FN1: variants seen among roughly 807,000 people sequenced by gnomAD.
FN1 encodes fibronectin 1, also known as fibronectin.
In FN1, 106 loss-of-function variants were observed where a neutral mutation model predicts 297.3. The ratio of observed to expected loss-of-function variants is 0.36; its 90% CI spans 0.30 to 0.42. The LOEUF is 0.42. Among genes scored for constraint, FN1 ranks in the 10% least tolerant of loss-of-function variants. FN1 has a pLI of 1.00. For missense variants in FN1, 2,690 were observed against 3,124.9 expected, an observed-to-expected ratio of 0.86 and a Z score of 3.32; for synonymous variants, 1,149 against 1,152.6, an observed-to-expected ratio of 1.00 and a Z score of 0.06.
intron 21 of FN1, among the ~76,000 whole-genome samples, chr2:215,398,615 T>G (rs1443869456): frequency 6.6e-6 from 1 of 152,186 alleles, no homozygotes; most frequent in Non-Finnish European, 1.5e-5. Flanking sequence ...TTTTAAACGA[T>G]CAAGGGGATT....
chr2:215,415,225 CTT>C lies in FN1; in HGVS notation c.1820-269_1820-268del, dbSNP rs142604627. 0.28 allele frequency among the ~76,000 whole-genome samples: 42,611 copies of C among 151,922 alleles called. 7,458 individuals are homozygous for C. The highest frequency in any genetic ancestry group is 0.93 in the East Asian group (4,795 of 5,152). ...AAAATATATTTTTAAAAAAAAGTCT[CTT>C]GGCTTGCTTTTATTTTCTCTACTAT... is the stretch of plus-strand genomic sequence containing the variant. On this transcript the variant is annotated intron_variant, in intron 12 of 45. Coordinates refer to ENST00000354785, the MANE Select transcript of FN1 (RefSeq NM_212482.4).
At chr2:215,428,435 A>G (rs1238258800) in intron 5 of FN1, 97 bp from the exon 6 acceptor site, 2 of 1,040,518 alleles carry the variant, frequency 1.9e-6, no homozygotes, top group Admixed American at 3.7e-5. Context: ...CTGGTAATCT[A>G]TTTTTGGTAA....
intron 26 of FN1, among the ~76,000 whole-genome samples, chr2:215,389,424 A>G (rs2059438009): frequency 7.0e-6 from 1 of 141,936 alleles, no homozygotes; most frequent in African/African-American, 3.1e-5. Context: ...TTTGATACAC[A>G]GTCAGGCATA....
Position 215,383,371 on chromosome 2 carries a change from G to C in FN1, c.5007C>G (p.Pro1669=), listed in dbSNP as rs780324154. The change falls in exon 31 of 46, where the codon CCC becomes CCG. Residue 1669 remains proline (P), a synonymous_variant. Transcript: ENST00000354785. ...TTTTTGTTGGTCCTGGTCCATTTTT[G>C]GGAGTGGTGGTTACTCTGTAACCAG... ...PVTGYRVTTT[P]KNGPGPTKTK... is the part of the protein sequence containing the mutation. The C allele has an allele frequency of 3.1e-6, 5 of 1,613,888 alleles. No individual in the cohort carries two copies. In the African/African-American group the frequency reaches 6.7e-5, roughly 22 times the overall value.
At chr2:215,365,716 G>A in intron 42 of FN1, 86 bp from the exon 43 acceptor site, 1 of 1,299,836 alleles carries the variant, frequency 7.7e-7, no homozygotes, top group South Asian at 1.2e-5. Flanking sequence ...CGTGTCACAG[G>A]GTCTTCAGAA....
At chr2:215,393,247 TAG>T in intron 24 of FN1, 44 bp from the exon 25 acceptor site, 8 of 1,594,316 alleles carry the variant, frequency 5.0e-6, no homozygotes, top group Non-Finnish European at 6.8e-6. Flanking sequence ...AAAAGGAAAA[TAG>T]AGGGAAAAAA....
At chr2:215,417,822 A>G (rs772272544) in intron 12 of FN1, among the ~76,000 whole-genome samples, 1 of 152,152 alleles carries the variant, frequency 6.6e-6, no homozygotes, top group Non-Finnish European at 1.5e-5. Context: ...TATCTCCAAC[A>G]TGTCCACCTA....
chr2:215,425,771 C>A (rs2065223901), intron 6 of FN1, among the ~76,000 whole-genome samples: 1 of 139,316 alleles, frequency 7.2e-6, no homozygotes, highest in Middle Eastern at 3.4e-3. Flanking sequence ...TGGCAAACTC[C>A]TGACCTCAAA....
At chr2:215,409,088 C>T (rs1250264) in intron 15 of FN1, among the ~76,000 whole-genome samples, 143,629 of 152,206 alleles carry the variant, frequency 0.94, 67,870 homozygotes, top group East Asian at 1. Flanking sequence ...ATATTCTTTT[C>T]CTTGATCTGG....
chr2:215,377,545 G>A (rs1012048996), intron 35 of FN1, among the ~76,000 whole-genome samples: 3 of 152,070 alleles, frequency 2.0e-5, no homozygotes, highest in South Asian at 2.1e-4. Context: ...CTTCCACCAT[G>A]AGTAAGCTTC....
At position 215,372,266 on chromosome 2, in the gene FN1, A is replaced by G; in HGVS notation, c.6357T>C (p.Tyr2119=). The change falls in exon 40 of 46, where the codon TAT becomes TAC. Residue 2119 remains tyrosine, a synonymous_variant. Transcript: ENST00000354785. ...QKTPFVTHPG[Y]DTGNGIQLPG... Reference sequence around the variant, plus strand: ...GAAGCTGAATACCATTTCCAGTGTCATACCCAGGGTGGGTGACGAAAGGGG... The same window carrying G: ...GAAGCTGAATACCATTTCCAGTGTCGTACCCAGGGTGGGTGACGAAAGGGG... 6.2e-7 allele frequency: 1 copy of G among 1,614,202 alleles called. No homozygotes were observed. The highest frequency in any genetic ancestry group is 8.5e-7 in the Non-Finnish European group (1 of 1,180,010).
chr2:215,364,333 T>TG (rs5838501), intron 44 of FN1: 173,280 of 173,280 alleles, frequency 1, 86,640 homozygotes, highest in Non-Finnish European at 1. Context: ...AACGTTGCCA[T>TG]GGGACACCTG....
At chr2:215,373,828 A>C (rs938264500) in intron 38 of FN1, among the ~76,000 whole-genome samples, 1 of 151,784 alleles carries the variant, frequency 6.6e-6, no homozygotes, top group African/African-American at 2.4e-5. Context: ...ACAGGCACCC[A>C]TCACCACGCC....
chr2:215,390,256 T>G (rs2059565471), intron 26 of FN1, among the ~76,000 whole-genome samples: 1 of 152,186 alleles, frequency 6.6e-6, no homozygotes, highest in South Asian at 2.1e-4. Flanking sequence ...CGATCATGGC[T>G]TGCTGCAGCC....
At chr2:215,386,993 A>C (rs2059108835) in intron 27 of FN1, 35 bp from the exon 28 acceptor site, 5 of 1,582,218 alleles carry the variant, frequency 3.2e-6, no homozygotes, top group Non-Finnish European at 4.3e-6. Context: ...AGAGAAAAAA[A>C]AAAGAAAAGA....
rs151093318 is a variant in FN1, at chr2:215,432,596, G to A, written c.416-632C>T. On this transcript the variant is annotated intron_variant, in intron 3 of 45. Transcript: ENST00000354785. ...AAGTTGATTGGGCCTATTCACACGG[G>A]ACTTGTTCTTTTGAATAGAAGTCTT... 3.0e-3 allele frequency among the ~76,000 whole-genome samples: 459 copies of A among 152,262 alleles called. 1 individual carries two copies. Among genetic ancestry groups the A allele is most frequent in the African/African-American group, 0.01 (430 of 41,542 alleles).
intron 13 of FN1, among the ~76,000 whole-genome samples, chr2:215,414,115 T>G (rs1003069141): frequency 2.6e-5 from 4 of 152,372 alleles, no homozygotes; most frequent in African/African-American, 9.6e-5. Context: ...ATGGACATTT[T>G]TTTCTCCTGT....
chr2:215,408,217 G>A lies in FN1; in HGVS notation c.2429-20C>T, dbSNP rs750745379. On this transcript the variant is annotated intron_variant, in intron 16 of 45. Coordinates refer to ENST00000354785, the MANE Select transcript of FN1 (RefSeq NM_212482.4). Reference sequence around the variant, plus strand: ...CAGGCGCTAAGAAAGAAAGAAAGTGGGGCAAACAGTCAGGAAGTGCTACTA... The same window carrying A: ...CAGGCGCTAAGAAAGAAAGAAAGTGAGGCAAACAGTCAGGAAGTGCTACTA... The A allele has an allele frequency of 6.2e-7, 1 of 1,611,214 alleles. No individual in the cohort carries two copies. Among genetic ancestry groups the A allele is most frequent in the East Asian group, 2.2e-5 (1 of 44,836 alleles).
In FN1 at chr2:215,425,175, C is replaced by CCA; in HGVS notation, c.953_954dup (p.Gly319TrpfsTer6). 6.2e-7 allele frequency: 1 copy of CCA among 1,614,190 alleles called. No individual in the cohort carries two copies. Among genetic ancestry groups the CCA allele is most frequent in the African/African-American group, 1.3e-5 (1 of 75,056 alleles). ...CCTTGTGTCTTCAGCCACTGCATCCCCACAGAGTAGACCACACCACTGTCT... is the reference window on the plus strand; with the variant it reads ...CCTTGTGTCTTCAGCCACTGCATCCCCACACAGAGTAGACCACACCACTGTCT... On this transcript the variant is annotated frameshift_variant, in exon 7 of 46. Coordinates refer to ENST00000354785, the MANE Select transcript of FN1 (RefSeq NM_212482.4). LOFTEE classifies it high-confidence loss of function.
Sources: gnomAD v4.1 joint callset for allele counts (sites outside exome capture counted in the v4.1 genomes callset) on GRCh38, gnomAD v4.1.1 for gene constraint, MANE v1.5 for transcripts, NCBI Gene and HGNC (gene_info 2026-07-23, HGNC 2026-07-21) for gene names.